Variants in HS3ST5 observed in about 807,000 individuals in gnomAD.
HS3ST5 encodes the protein heparan sulfate-glucosamine 3-sulfotransferase 5.
HS3ST5 carries 10 observed loss-of-function variants against 25.4 expected under a neutral mutation model. The ratio of observed to expected loss-of-function variants is 0.39; its 90% confidence interval spans 0.24 to 0.67. The LOEUF (loss-of-function observed/expected upper bound fraction) is 0.67, where lower values mean the gene tolerates loss of function less well. Ranked by LOEUF, HS3ST5 falls within the 30% of genes least tolerant of loss-of-function variation. The pLI, the probability that HS3ST5 is intolerant of heterozygous loss-of-function variation, is 0.44. For synonymous variants in HS3ST5, 170 were observed against 162.4 expected (o/e 1.05, Z -0.36); for missense variants, 324 against 420.7 (o/e 0.77, Z 2.01).
At chr6:114,325,588 A>T (rs1004979978) in intron 1 of HS3ST5, among the ~76,000 whole-genome samples, 16 of 152,194 alleles carry the variant, frequency 1.1e-4, no homozygotes, top group Non-Finnish European at 2.1e-4. Flanking sequence ...CTTGTATATT[A>T]CTTTTCCCTG....
chr6:114,243,304 G>A (rs958265181), intron 1 of HS3ST5, among the ~76,000 whole-genome samples: 3 of 152,046 alleles, frequency 2.0e-5, no homozygotes, highest in African/African-American at 4.8e-5. Context: ...TGATGCAGAA[G>A]TGAAATCATC....
At chr6:114,221,003 A>C (rs569516754) in intron 2 of HS3ST5, among the ~76,000 whole-genome samples, 72 of 152,194 alleles carry the variant, frequency 4.7e-4, no homozygotes, top group African/African-American at 1.7e-3. Context: ...AAAACATACT[A>C]GGTTGGGATT....
intron 3 of HS3ST5, among the ~76,000 whole-genome samples, chr6:114,076,591 T>C (rs1454044100): frequency 2.6e-5 from 4 of 152,212 alleles, no homozygotes; most frequent in Non-Finnish European, 5.9e-5. Flanking sequence ...ATTCTACTGA[T>C]GAGCTTTCAA....
At chr6:114,185,128 G>T (rs1780155003) in intron 2 of HS3ST5, among the ~76,000 whole-genome samples, 2 of 152,098 alleles carry the variant, frequency 1.3e-5, no homozygotes, top group African/African-American at 4.8e-5. Context: ...TGGGGCTGCT[G>T]GGATGAAATG....
chr6:114,202,769 GA>G (rs1781087931), intron 2 of HS3ST5, among the ~76,000 whole-genome samples: 2 of 152,162 alleles, frequency 1.3e-5, no homozygotes, highest in South Asian at 4.2e-4. Flanking sequence ...AAATAATTTA[GA>G]AGAAAAGAGA....
chr6:114,103,857 A>ATTTTT (rs71553394), intron 3 of HS3ST5, among the ~76,000 whole-genome samples: 1,807 of 107,068 alleles, frequency 0.017, 75 homozygotes, highest in African/African-American at 0.052. Flanking sequence ...CACCTGGCTA[A>ATTTTT]TTTTTTTTTT....
intron 1 of HS3ST5, among the ~76,000 whole-genome samples, chr6:114,295,742 C>A (rs773959323): frequency 1.5e-4 from 23 of 152,160 alleles, no homozygotes; most frequent in Non-Finnish European, 3.2e-4. Flanking sequence ...AATGACAGTG[C>A]CCCTTGGTGC....
chr6:114,138,009 C>G (rs1327188128), intron 3 of HS3ST5, among the ~76,000 whole-genome samples: 3 of 151,984 alleles, frequency 2.0e-5, no homozygotes, highest in African/African-American at 4.8e-5. Flanking sequence ...TAATCCTAAT[C>G]TTAAAAATAG....
chr6:114,100,369 AG>A (rs1405709264), intron 3 of HS3ST5, among the ~76,000 whole-genome samples: 1 of 152,152 alleles, frequency 6.6e-6, no homozygotes, highest in Non-Finnish European at 1.5e-5. Context: ...TCTTGTGGAA[AG>A]GAACCTTATT....
intron 3 of HS3ST5, among the ~76,000 whole-genome samples, chr6:114,068,889 A>G (rs1475661700): frequency 6.6e-6 from 1 of 152,220 alleles, no homozygotes; most frequent in African/African-American, 2.4e-5. Context: ...AAGCTTTAAC[A>G]GACACGGTAT....
intron 3 of HS3ST5, among the ~76,000 whole-genome samples, chr6:114,097,995 G>T (rs776899880): frequency 1.3e-5 from 2 of 151,902 alleles, no homozygotes; most frequent in African/African-American, 2.4e-5. Context: ...CATGACTCAT[G>T]TACAGACATT....
intron 2 of HS3ST5, among the ~76,000 whole-genome samples, chr6:114,174,098 T>C (rs9387194): frequency 0.54 from 82,167 of 151,428 alleles, 22,725 homozygotes; most frequent in African/African-American, 0.64. Flanking sequence ...GTTCCCACTC[T>C]ACCCTGCCTG....
At chr6:114,297,436 G>T (rs1231329000) in intron 1 of HS3ST5, among the ~76,000 whole-genome samples, 1 of 152,186 alleles carries the variant, frequency 6.6e-6, no homozygotes, top group African/African-American at 2.4e-5. Flanking sequence ...TGAGTGACAG[G>T]AAGAGGAACA....
rs1370561630 is a variant in HS3ST5 at position 114,057,081 on chromosome 6, T to TC, written c.*175dup. On this transcript the variant is annotated 3_prime_UTR_variant, in exon 5 of 5. Transcript: ENST00000312719. ...TATGCAGACAGCAATTTTTTTTTTT[T>TC]CGTAAATTTTCAGTAGAAAAAGAAC... 4 of 524,696 alleles carry TC rather than the reference T, an allele frequency of 7.6e-6. No individual in the cohort carries two copies. 32.5% of individuals were successfully genotyped at this position (524,696 alleles called of 1,614,324 possible).
intron 1 of HS3ST5, among the ~76,000 whole-genome samples, chr6:114,335,817 C>T (rs951744244): frequency 1.3e-5 from 2 of 152,038 alleles, no homozygotes; most frequent in Admixed American, 1.3e-4. Flanking sequence ...CCATGCCCAG[C>T]TAATTTTTGT....
At chr6:114,324,281 C>T (rs1776085262) in intron 1 of HS3ST5, among the ~76,000 whole-genome samples, 1 of 152,120 alleles carries the variant, frequency 6.6e-6, no homozygotes, top group African/African-American at 2.4e-5. Context: ...AACTGTGTTC[C>T]CTTTAATATC....
At chr6:114,290,503 A>T (rs1402913883) in intron 1 of HS3ST5, among the ~76,000 whole-genome samples, 1 of 152,136 alleles carries the variant, frequency 6.6e-6, no homozygotes, top group African/African-American at 2.4e-5. Context: ...TGGAGTACTA[A>T]CAGAGAAGAT....
Position 114,060,420 on chromosome 6 carries a change from A to G in HS3ST5, c.108-2230T>C, listed in dbSNP as rs771292015. ...ATTAATGTACTAGGGCTTTAAATGG[A>G]GGATGTAAAATTATCAATAGATACA... On this transcript the variant is annotated intron_variant, in intron 4 of 4. Coordinates refer to ENST00000312719, the MANE Select transcript of HS3ST5 (RefSeq NM_153612.4). Among the ~76,000 whole-genome samples the G allele has an allele frequency of 5.9e-5, 9 of 152,350 alleles. No homozygotes were observed. The Middle Eastern group carries it at 0.01, about 173-fold the overall frequency.
At chr6:114,189,722 T>C (rs1425392940) in intron 2 of HS3ST5, among the ~76,000 whole-genome samples, 2 of 152,206 alleles carry the variant, frequency 1.3e-5, no homozygotes, top group Non-Finnish European at 2.9e-5. Context: ...GTATCTTATC[T>C]CTTCACATAG....
Sources: allele counts gnomAD v4.1 joint callset (sites outside exome capture counted in the v4.1 genomes callset), GRCh38; gene constraint gnomAD v4.1.1; transcripts MANE v1.5; gene names NCBI Gene and HGNC (gene_info 2026-07-23, HGNC 2026-07-21).